Variants in GTF3C2 observed in about 807,000 individuals in gnomAD.
GTF3C2 encodes general transcription factor IIIC subunit 2.
GTF3C2 carries 17 observed loss-of-function variants against 117.4 expected under a neutral mutation model. The observed-to-expected ratio is 0.14, with a 90% CI of 0.10 to 0.22. The LOEUF (loss-of-function observed/expected upper bound fraction) is 0.22, where lower values mean the gene tolerates loss of function less well. Ranked by LOEUF, GTF3C2 falls within the 10% of genes least tolerant of loss-of-function variation. The pLI, the probability that GTF3C2 is intolerant of heterozygous loss-of-function variation, is 1.00. For synonymous variants in GTF3C2, 437 were observed against 427.0 expected (o/e 1.02, Z -0.29); for missense variants, 888 against 1,143.6 (o/e 0.78, Z 3.22).
chr2:27,327,482 G>A (rs1487703822), intron 17 of GTF3C2, among the ~76,000 whole-genome samples, 198 bp from the exon 18 acceptor site: 6 of 151,786 alleles, frequency 4.0e-5, no homozygotes, highest in Admixed American at 1.3e-4. Context: ...CCGCCGTCAC[G>A]CCCGGCAGAT....
chr2:27,343,532 T>C lies in GTF3C2; in HGVS notation c.23A>G (p.Tyr8Cys), dbSNP rs777217682. 15 of 1,613,846 alleles carry C rather than the reference T, an allele frequency of 9.3e-6. No homozygotes were observed. The highest frequency in any genetic ancestry group is 2.2e-5 in the East Asian group (1 of 44,892). ...GGGGCCGGCCTCCCCCAGGGCAACATAGCCGACCCCGCAGGTATCCATCAG... is the reference window on the plus strand; with the variant it reads ...GGGGCCGGCCTCCCCCAGGGCAACACAGCCGACCCCGCAGGTATCCATCAG... Residue 8 changes from tyrosine to cysteine, a missense_variant, in exon 2 of 19, where the codon TAT becomes TGT. By Grantham distance (194) the Tyr-to-Cys change is radical. Around this residue, in one of 7 missense-constraint regions of GTF3C2, gnomAD observed 393 missense variants for 401.5 expected, o/e 0.98. Transcript: ENST00000264720.
At chr2:27,354,448 G>A (rs941978220) in intron 1 of GTF3C2, among the ~76,000 whole-genome samples, 1 of 152,218 alleles carries the variant, frequency 6.6e-6, no homozygotes. Context: ...TCAGTTAAGA[G>A]AGCTTCTATA....
intron 3 of GTF3C2, 31 bp downstream of exon 3, chr2:27,342,795 C>G (rs1475195584): frequency 1.6e-5 from 25 of 1,553,012 alleles, no homozygotes; most frequent in Non-Finnish European, 2.1e-5. Context: ...ACCCAACCCC[C>G]CTCCACCAAG....
At chr2:27,344,024 C>CA (rs1031234756) in intron 1 of GTF3C2, among the ~76,000 whole-genome samples, 2 of 137,580 alleles carry the variant, frequency 1.5e-5, no homozygotes, top group Non-Finnish European at 3.2e-5. Flanking sequence ...ATAAAGCTTC[C>CA]ATTTTTTTTT....
intron 7 of GTF3C2, 73 bp downstream of exon 7, chr2:27,337,171 A>G (rs1680515840): frequency 1.2e-6 from 1 of 866,324 alleles, no homozygotes; most frequent in African/African-American, 1.7e-5. Flanking sequence ...CTTATCTGTC[A>G]TCTCTTTCAA....
At chr2:27,343,464 G>A in exon 2 of GTF3C2, 2 of 1,614,102 alleles carry the variant, frequency 1.2e-6, no homozygotes, top group Non-Finnish European at 1.7e-6. Flanking sequence ...AGCTGATTTA[G>A]CACCTCTTGT....
chr2:27,332,616 G>A (rs1426876712), intron 12 of GTF3C2, among the ~76,000 whole-genome samples: 2 of 151,352 alleles, frequency 1.3e-5, no homozygotes, highest in Non-Finnish European at 2.9e-5. Flanking sequence ...GGGTTTCACC[G>A]TGTTAGCCAG....
intron 17 of GTF3C2, among the ~76,000 whole-genome samples, 192 bp from the exon 18 acceptor site, chr2:27,327,476 C>A (rs570782149): frequency 1.3e-5 from 2 of 152,026 alleles, no homozygotes; most frequent in African/African-American, 4.8e-5. Context: ...AGGCGCCCGC[C>A]GTCACGCCCG....
At chr2:27,331,329 ACT>A (rs1680265319) in intron 12 of GTF3C2, among the ~76,000 whole-genome samples, 1 of 152,058 alleles carries the variant, frequency 6.6e-6, no homozygotes, top group Admixed American at 6.6e-5. Flanking sequence ...TAAAAACAAC[ACT>A]GTCATTTTGT....
At chr2:27,343,679 C>G (rs1194137547) in intron 1 of GTF3C2, 101 bp from the exon 2 acceptor site, 2 of 929,324 alleles carry the variant, frequency 2.2e-6, no homozygotes, top group African/African-American at 3.3e-5. Flanking sequence ...ACACTCATAA[C>G]CAAGTTCCCT....
chr2:27,356,198 AAC>A, intron 1 of GTF3C2: 1 of 797,272 alleles, frequency 1.3e-6, no homozygotes, highest in Non-Finnish European at 1.9e-6. Flanking sequence ...TAGACAGGGA[AAC>A]ACAACTGGCC....
intron 18 of GTF3C2, 21 bp downstream of exon 18, chr2:27,327,156 G>T: frequency 1.6e-6 from 2 of 1,272,404 alleles, no homozygotes; most frequent in Non-Finnish European, 2.3e-6. Flanking sequence ...AGAGTGGAGG[G>T]TGGAGAGGAT....
At chr2:27,326,447 T>A (rs1680074511) in exon 19 of GTF3C2, 2 of 588,550 alleles carry the variant, frequency 3.4e-6, no homozygotes, top group Non-Finnish European at 3.1e-6. Flanking sequence ...AGTCTTAGGC[T>A]GAGGAGCCTT....
chr2:27,327,980 A>G, intron 17 of GTF3C2, 57 bp downstream of exon 17: 1 of 1,467,798 alleles, frequency 6.8e-7, no homozygotes, highest in South Asian at 1.2e-5. Flanking sequence ...TACTATACAA[A>G]GACTAAAGTT....
intron 3 of GTF3C2, 184 bp from the exon 4 acceptor site, chr2:27,342,417 C>T (rs551201780): frequency 2.2e-5 from 13 of 591,134 alleles, no homozygotes; most frequent in African/African-American, 1.3e-4. Flanking sequence ...GTGACTTGGC[C>T]GAGATGACTG....
At chr2:27,341,469 A>G (rs1369359892) in intron 4 of GTF3C2, 1 of 158,480 alleles carries the variant, frequency 6.3e-6, no homozygotes, top group Non-Finnish European at 1.4e-5. Flanking sequence ...CTCCAGTTTA[A>G]TCTCGCCTAC....
At position 27,327,288 on chromosome 2, in the gene GTF3C2, G is replaced by C. The variant is rs1680110416; in HGVS notation, c.2410-4C>G. 6.6e-7 allele frequency: 1 copy of C among 1,505,230 alleles called. No homozygotes were observed. Among genetic ancestry groups the C allele is most frequent in the South Asian group, 1.1e-5 (1 of 87,438 alleles). 93.2% of individuals were successfully genotyped at this position (1,505,230 alleles called of 1,614,324 possible). A position where few individuals can be genotyped will look rare whatever the true frequency, so the allele number is the denominator to read the frequency against. ...GGAGCAGATCATGGAATGAACCCTG[G>C]GGAAGGGAAATGGAATAGGAGAGAG... On this transcript the variant is annotated splice_polypyrimidine_tract_variant and splice_region_variant and intron_variant, in intron 17 of 18. Coordinates refer to ENST00000264720, the Ensembl canonical transcript of GTF3C2.
At chr2:27,332,286 C>G (rs968468214) in intron 12 of GTF3C2, among the ~76,000 whole-genome samples, 1 of 152,068 alleles carries the variant, frequency 6.6e-6, no homozygotes, top group African/African-American at 2.4e-5. Flanking sequence ...GCTGGGATTA[C>G]AGGTGTGAGC....
chr2:27,353,760 C>T (rs1254347532), intron 1 of GTF3C2, among the ~76,000 whole-genome samples: 5 of 152,118 alleles, frequency 3.3e-5, no homozygotes, highest in Admixed American at 3.3e-4. Flanking sequence ...TCCCCTGTCA[C>T]CCAGGCTGGA....
Sources: gnomAD v4.1 joint callset for allele counts (sites outside exome capture counted in the v4.1 genomes callset) on GRCh38, gnomAD v4.1.1 for gene constraint, gnomAD v4.1.1 regional missense constraint, MANE v1.5 for transcripts, NCBI Gene and HGNC (gene_info 2026-07-23, HGNC 2026-07-21) for gene names.